Variants in LRP1B observed in about 807,000 individuals in gnomAD.
LRP1B encodes low-density lipoprotein receptor-related protein 1B.
In LRP1B, 217 loss-of-function variants were observed where a neutral mutation model predicts 556.6. That is an observed-to-expected ratio of 0.39 (90% CI 0.35 to 0.44). The LOEUF (loss-of-function observed/expected upper bound fraction) is 0.44. Ranked by LOEUF, LRP1B falls within the 20% of genes least tolerant of loss-of-function variation. The pLI is 1.00. For missense variants in LRP1B, 5,053 were observed against 5,620.8 expected, an observed-to-expected ratio of 0.90 and a Z score of 3.23; for synonymous variants, 2,047 against 1,865.8, an observed-to-expected ratio of 1.10 and a Z score of -2.50.
chr2:141,287,460 C>T (rs1393539415), intron 3 of LRP1B, among the ~76,000 whole-genome samples: 2 of 151,932 alleles, frequency 1.3e-5, no homozygotes, highest in African/African-American at 4.8e-5. Flanking sequence ...GTAGCTGGGA[C>T]TACAGGTGCC....
intron 1 of LRP1B, among the ~76,000 whole-genome samples, chr2:142,120,534 A>C (rs553127156): frequency 1.3e-4 from 20 of 152,314 alleles, no homozygotes; most frequent in African/African-American, 4.8e-4. Flanking sequence ...GTGTCAGTAC[A>C]AACTCTTCTC....
chr2:141,795,887 TATATATATATATA>T (rs1228529816), intron 2 of LRP1B, among the ~76,000 whole-genome samples: 5 of 76,002 alleles, frequency 6.6e-5, no homozygotes, highest in African/African-American at 1.9e-4. Flanking sequence ...TATATATATA[TATATATATATATA>T]ATCTTTAAGC....
At chr2:141,133,867 C>A (rs78690029) in intron 7 of LRP1B, among the ~76,000 whole-genome samples, 1 of 151,872 alleles carries the variant, frequency 6.6e-6, no homozygotes, top group Non-Finnish European at 1.5e-5. Flanking sequence ...GCTATCTCTC[C>A]GAAGGTCCAG....
At chr2:141,996,152 A>T (rs1158754035) in intron 1 of LRP1B, among the ~76,000 whole-genome samples, 5 of 151,098 alleles carry the variant, frequency 3.3e-5, no homozygotes, top group Admixed American at 3.3e-4. Context: ...CGGGAGGCAG[A>T]TGTTGCAGTG....
intron 1 of LRP1B, among the ~76,000 whole-genome samples, chr2:141,871,629 G>T (rs1426854842): frequency 2.6e-5 from 4 of 151,888 alleles, no homozygotes; most frequent in Admixed American, 6.6e-5. Flanking sequence ...GCACATAAGT[G>T]GTTCTCAGTA....
chr2:140,881,644 T>TA (rs569044275), intron 25 of LRP1B, among the ~76,000 whole-genome samples: 7 of 151,814 alleles, frequency 4.6e-5, no homozygotes, highest in South Asian at 2.1e-4. Context: ...TACCCTATTT[T>TA]AAAAAAAAGT....
intron 1 of LRP1B, among the ~76,000 whole-genome samples, chr2:141,929,584 G>T (rs545836005): frequency 1.3e-5 from 2 of 151,778 alleles, no homozygotes; most frequent in East Asian, 3.9e-4. Context: ...TGATTGCTTC[G>T]TTCATCACGG....
chr2:141,246,904 G>A (rs556915408), intron 5 of LRP1B, among the ~76,000 whole-genome samples: 5 of 152,130 alleles, frequency 3.3e-5, no homozygotes, highest in Non-Finnish European at 7.3e-5. Context: ...GGCAGAGGTT[G>A]AAGTGAGCTG....
Position 140,413,216 on chromosome 2 carries a change from T to C in LRP1B, c.10415-27207A>G, listed in dbSNP as rs994622336. On this transcript the variant is annotated intron_variant, in intron 66 of 90. Coordinates refer to ENST00000389484, the MANE Select transcript of LRP1B (RefSeq NM_018557.3). ...ATTCTATCACATTGGACCTAAAATA[T>C]TGGATTGCTATCCTCAAGGTTATAT... 3.1e-4 allele frequency among the ~76,000 whole-genome samples: 47 copies of C among 152,126 alleles called. 1 individual carries two copies. The highest frequency in any genetic ancestry group is 2.4e-5 in the African/African-American group (1 of 41,428).
intron 17 of LRP1B, among the ~76,000 whole-genome samples, chr2:140,987,802 T>C (rs1028814089): frequency 6.6e-6 from 1 of 151,972 alleles, no homozygotes; most frequent in Non-Finnish European, 1.5e-5. Flanking sequence ...CTGGCCAACA[T>C]GGTGAATCCC....
chr2:141,322,543 G>T lies in LRP1B; in HGVS notation c.344-67902C>A, dbSNP rs80199281. On this transcript the variant is annotated intron_variant, in intron 3 of 90. Transcript: ENST00000389484. ...ATCTAGGAAGAGGAAGCTGTGTAGGGTGATTCTTGAATCAATATGGACCAT... is the reference window on the plus strand; with the variant it reads ...ATCTAGGAAGAGGAAGCTGTGTAGGTTGATTCTTGAATCAATATGGACCAT... Among the ~76,000 whole-genome samples, 1,303 of 152,094 alleles carry T rather than the reference G, an allele frequency of 8.6e-3. 21 individuals are homozygous for T. The highest frequency in any genetic ancestry group is 0.03 in the African/African-American group (1,238 of 41,506).
intron 31 of LRP1B, among the ~76,000 whole-genome samples, chr2:140,823,411 G>A (rs895755049): frequency 2.6e-5 from 4 of 152,062 alleles, no homozygotes; most frequent in Non-Finnish European, 5.9e-5. Flanking sequence ...ATAAGTAAAT[G>A]AAATTACAAT....
intron 1 of LRP1B, among the ~76,000 whole-genome samples, chr2:141,915,658 T>C (rs1027123470): frequency 5.3e-5 from 8 of 151,956 alleles, no homozygotes; most frequent in Admixed American, 3.9e-4. Context: ...AACTAAAGAA[T>C]GAAAGAAGAC....
chr2:141,253,071 T>C (rs1684323971), intron 4 of LRP1B, among the ~76,000 whole-genome samples: 1 of 152,206 alleles, frequency 6.6e-6, no homozygotes, highest in Non-Finnish European at 1.5e-5. Flanking sequence ...GCTTGATTAC[T>C]ACAGGAGTCA....
chr2:141,464,419 CT>C (rs36072838), intron 3 of LRP1B, among the ~76,000 whole-genome samples: 34,999 of 145,016 alleles, frequency 0.24, 5,188 homozygotes, highest in East Asian at 0.52. Flanking sequence ...TTTGCTGTGA[CT>C]TTTTTTTTTT....
intron 1 of LRP1B, among the ~76,000 whole-genome samples, chr2:142,095,695 CA>C (rs1706335683): frequency 6.6e-6 from 1 of 151,562 alleles, no homozygotes; most frequent in East Asian, 1.9e-4. Flanking sequence ...ATACCTTTTT[CA>C]ACATGTATTT....
chr2:140,475,365 GT>G (rs1558907744), intron 59 of LRP1B, 28 bp from the exon 60 acceptor site: 1 of 1,484,780 alleles, frequency 6.7e-7, no homozygotes, highest in African/African-American at 1.4e-5. Flanking sequence ...TACTGATTTT[GT>G]TTACAGATTC....
chr2:140,809,899 G>A (rs1394998399), intron 32 of LRP1B, among the ~76,000 whole-genome samples: 1 of 152,076 alleles, frequency 6.6e-6, no homozygotes, highest in Non-Finnish European at 1.5e-5. Context: ...TCCAAGAGAG[G>A]GCAAAGAAGC....
At chr2:140,644,670 C>T (rs1684416567) in intron 41 of LRP1B, among the ~76,000 whole-genome samples, 1 of 152,070 alleles carries the variant, frequency 6.6e-6, no homozygotes, top group Non-Finnish European at 1.5e-5. Flanking sequence ...ACTTCAGCCT[C>T]CCAAAAAGCT....
Sources: gnomAD v4.1 joint callset for allele counts (sites outside exome capture counted in the v4.1 genomes callset) on GRCh38, gnomAD v4.1.1 for gene constraint, MANE v1.5 for transcripts, NCBI Gene and HGNC (gene_info 2026-07-23, HGNC 2026-07-21) for gene names.